The following SAP30BP variants were observed in gnomAD, a reference collection of about 807,000 sequenced individuals.
The protein encoded by SAP30BP is SAP30-binding protein.
In SAP30BP, 31 loss-of-function variants were observed where a neutral mutation model predicts 46.3. That is an observed-to-expected ratio of 0.67 (90% confidence interval 0.50 to 0.90). The LOEUF (loss-of-function observed/expected upper bound fraction) is 0.90, where lower values mean the gene tolerates loss of function less well. SAP30BP is among the 40% of genes least tolerant of loss of function. SAP30BP has a pLI of 0.00. For missense variants in SAP30BP, 312 were observed against 391.0 expected (o/e 0.80, Z 1.70); for synonymous variants, 169 against 144.2 (o/e 1.17, Z -1.23).
rs369144624 is a variant in SAP30BP, at chr17:75,702,588, C to G, written c.488+17C>G. On this transcript the variant is annotated intron_variant, in intron 6 of 10. Coordinates refer to ENST00000584667, the MANE Select transcript of SAP30BP (RefSeq NM_013260.8). Reference sequence around the variant, plus strand: ...GAACCCTAGGTAAGTTTCCCTTGAGCCTGCAGAGTTTATTGAGTTATTAAT... The same window carrying G: ...GAACCCTAGGTAAGTTTCCCTTGAGGCTGCAGAGTTTATTGAGTTATTAAT... 898 of 1,253,238 alleles carry G rather than the reference C, an allele frequency of 7.2e-4. No individual in the cohort carries two copies. The highest frequency in any genetic ancestry group is 9.6e-4 in the Non-Finnish European group (825 of 857,608). The allele number at this position is 1,253,238 out of a possible 1,614,324, so 77.6% of individuals were successfully genotyped here.
chr17:75,688,167 C>G (rs1030465127), intron 3 of SAP30BP, among the ~76,000 whole-genome samples: 1 of 152,106 alleles, frequency 6.6e-6, no homozygotes, highest in Non-Finnish European at 1.5e-5. Flanking sequence ...AGGGAGCAGG[C>G]ATTGCAAAGA....
At chr17:75,705,685 C>G in intron 9 of SAP30BP, 1 of 1,146,182 alleles carries the variant, frequency 8.7e-7, no homozygotes, top group Non-Finnish European at 1.1e-6. Context: ...GCACCGCCTC[C>G]TCCTGGGTGT....
chr17:75,679,659 CAGG>C (rs1450370073), intron 3 of SAP30BP: 1 of 152,188 alleles, frequency 6.6e-6, no homozygotes. Flanking sequence ...AACTAGCGAA[CAGG>C]AGATTGGAGA....
chr17:75,669,698 C>T (rs1179485991), intron 2 of SAP30BP, among the ~76,000 whole-genome samples: 3 of 152,192 alleles, frequency 2.0e-5, no homozygotes, highest in Non-Finnish European at 4.4e-5. Flanking sequence ...GCCTTCTTAA[C>T]TTCTTTCTTG....
intron 5 of SAP30BP, 26 bp downstream of exon 5, chr17:75,699,897 G>T: frequency 1.2e-5 from 18 of 1,545,238 alleles, no homozygotes; most frequent in Non-Finnish European, 1.6e-5. Flanking sequence ...GGCTACTGAG[G>T]TCGGATAGAT....
chr17:75,681,095 A>C (rs749154939), intron 3 of SAP30BP, among the ~76,000 whole-genome samples: 9 of 152,246 alleles, frequency 5.9e-5, no homozygotes, highest in Non-Finnish European at 1.2e-4. Context: ...AGCTTCAGAC[A>C]CTAAGTATTA....
At chr17:75,695,082 G>A (rs1050445847) in intron 4 of SAP30BP, among the ~76,000 whole-genome samples, 1 of 124,270 alleles carries the variant, frequency 8.0e-6, no homozygotes, top group African/African-American at 3.0e-5. Flanking sequence ...CTCAGCCTCA[G>A]GCAAGCTGTG....
In SAP30BP at chr17:75,696,889, T is replaced by TG. The variant is rs556736784; in HGVS notation, c.308-2893dup. Among the ~76,000 whole-genome samples, 7 of 151,166 alleles carry TG rather than the reference T, an allele frequency of 4.6e-5. No homozygotes were observed. The East Asian group carries it at 1.4e-3, about 30-fold the overall frequency. ...GCCTCCTGGGTTCACACCATTCTCCTGCCTCAGCCTCCCGAGTAGCTGGGA... is the reference window on the plus strand; with the variant it reads ...GCCTCCTGGGTTCACACCATTCTCCTGGCCTCAGCCTCCCGAGTAGCTGGGA... On this transcript the variant is annotated intron_variant, in intron 4 of 10. Coordinates refer to ENST00000584667, the MANE Select transcript of SAP30BP (RefSeq NM_013260.8).
intron 3 of SAP30BP, among the ~76,000 whole-genome samples, chr17:75,689,699 A>G (rs1036287995): frequency 6.6e-5 from 10 of 152,252 alleles, no homozygotes; most frequent in African/African-American, 2.4e-4. Context: ...GAGTCAAGAC[A>G]GGTGTTTCCT....
At chr17:75,701,666 T>C (rs1350900293) in intron 5 of SAP30BP, among the ~76,000 whole-genome samples, 1 of 152,116 alleles carries the variant, frequency 6.6e-6, no homozygotes, top group African/African-American at 2.4e-5. Context: ...CAAGACCGAA[T>C]CCAAAAAACT....
chr17:75,692,614 G>T, intron 3 of SAP30BP: 1 of 641,932 alleles, frequency 1.6e-6, no homozygotes, highest in Non-Finnish European at 1.9e-6. Flanking sequence ...TCTCAGCATT[G>T]ATTTTGGTTT....
chr17:75,704,945 C>G, intron 9 of SAP30BP, 131 bp downstream of exon 9: 1 of 737,642 alleles, frequency 1.4e-6, no homozygotes. Context: ...TGCTCTGAGC[C>G]TCTCAGCAGG....
intron 3 of SAP30BP, among the ~76,000 whole-genome samples, chr17:75,673,819 C>G (rs967267304): frequency 6.6e-6 from 1 of 152,208 alleles, no homozygotes; most frequent in Non-Finnish European, 1.5e-5. Flanking sequence ...TGTGCTCAGG[C>G]TCCCCTTCTC....
intron 3 of SAP30BP, chr17:75,690,820 G>T (rs1402989106): frequency 2.0e-5 from 9 of 453,678 alleles, no homozygotes; most frequent in Non-Finnish European, 2.7e-5. Context: ...CCAGAGCCTT[G>T]TAGGTCCCAA....
intron 3 of SAP30BP, among the ~76,000 whole-genome samples, chr17:75,685,915 A>G (rs1217483748): frequency 6.7e-6 from 1 of 148,426 alleles, no homozygotes; most frequent in Non-Finnish European, 1.5e-5. Flanking sequence ...GTAACTTTCA[A>G]GAAACCAAAA....
chr17:75,687,157 A>G (rs1039043752), intron 3 of SAP30BP, among the ~76,000 whole-genome samples: 1 of 152,096 alleles, frequency 6.6e-6, no homozygotes, highest in African/African-American at 2.4e-5. Flanking sequence ...TAATACCTAA[A>G]CTTATTCCCC....
chr17:75,679,936 A>T (rs1346364177), intron 3 of SAP30BP: 2 of 151,858 alleles, frequency 1.3e-5, no homozygotes, highest in Admixed American at 6.6e-5. Context: ...TCCTTTGTCC[A>T]TTTTTACCTC....
At chr17:75,693,822 C>G (rs772139524) in intron 4 of SAP30BP, among the ~76,000 whole-genome samples, 27 of 152,266 alleles carry the variant, frequency 1.8e-4, no homozygotes, top group Non-Finnish European at 3.4e-4. Flanking sequence ...AACCCCTCCT[C>G]CCCCTCTCCG....
intron 3 of SAP30BP, among the ~76,000 whole-genome samples, chr17:75,688,147 AG>A (rs1402381319): frequency 1.3e-5 from 2 of 152,120 alleles, no homozygotes; most frequent in African/African-American, 4.8e-5. Flanking sequence ...AGTGGGGAGA[AG>A]GTGATTTCAG....
Sources: allele counts gnomAD v4.1 joint callset (sites outside exome capture counted in the v4.1 genomes callset), GRCh38; gene constraint gnomAD v4.1.1; transcripts MANE v1.5; gene names NCBI Gene and HGNC (gene_info 2026-07-23, HGNC 2026-07-21).